RBFOX1: variants seen among roughly 807,000 people sequenced by gnomAD.
RBFOX1 encodes RNA binding protein fox-1 homolog 1.
RBFOX1 carries 8 observed loss-of-function variants against 57.7 expected under a neutral mutation model. That is an observed-to-expected ratio of 0.14 (90% CI 0.08 to 0.25). The LOEUF (loss-of-function observed/expected upper bound fraction) is 0.25, where lower values mean the gene tolerates loss of function less well. Ranked by LOEUF, RBFOX1 falls within the 10% of genes least tolerant of loss-of-function variation. The pLI, the probability that RBFOX1 is intolerant of heterozygous loss-of-function variation, is 1.00. For synonymous variants in RBFOX1, 326 were observed against 222.4 expected, an observed-to-expected ratio of 1.47 and a Z score of -4.15; for missense variants, 611 against 548.5, an observed-to-expected ratio of 1.11 and a Z score of -1.14.
At chr16:5,582,950 A>C (rs2046720874) in intron 2 of RBFOX1, among the ~76,000 whole-genome samples, 2 of 152,180 alleles carry the variant, frequency 1.3e-5, no homozygotes, top group Non-Finnish European at 2.9e-5. Flanking sequence ...AGCACTCGGG[A>C]GCCAGGCTCT....
At chr16:5,739,049 G>C (rs762698558) in intron 3 of RBFOX1, among the ~76,000 whole-genome samples, 8 of 152,140 alleles carry the variant, frequency 5.3e-5, no homozygotes, top group Non-Finnish European at 1.2e-4. Context: ...CTTTTTTGCT[G>C]TTGTCTTGAA....
At chr16:7,104,080 A>T (rs549983692) in intron 4 of RBFOX1, among the ~76,000 whole-genome samples, 1 of 152,194 alleles carries the variant, frequency 6.6e-6, no homozygotes, top group East Asian at 1.9e-4. Context: ...CAATCCTGCA[A>T]TCCCACAGAT....
intron 3 of RBFOX1, among the ~76,000 whole-genome samples, chr16:6,731,866 G>A (rs1287075892): frequency 6.6e-6 from 1 of 151,948 alleles, no homozygotes; most frequent in African/African-American, 2.4e-5. Context: ...TGCCTCTAGG[G>A]GAATCCAAAC....
chr16:6,576,389 G>C (rs956217607), intron 2 of RBFOX1, among the ~76,000 whole-genome samples: 8 of 152,160 alleles, frequency 5.3e-5, no homozygotes, highest in African/African-American at 1.9e-4. Context: ...GACATGGGGA[G>C]AAGATGCCAA....
At chr16:5,344,621 G>T (rs11076913) in intron 1 of RBFOX1, among the ~76,000 whole-genome samples, 2 of 152,164 alleles carry the variant, frequency 1.3e-5, no homozygotes, top group South Asian at 4.1e-4. Context: ...CCGGCTGTGA[G>T]GACATCCTGA....
chr16:5,428,105 G>GGTGTGTGTGTGTGTGTCTGT (rs754607195), intron 1 of RBFOX1, among the ~76,000 whole-genome samples: 1 of 137,972 alleles, frequency 7.2e-6, no homozygotes, highest in Non-Finnish European at 1.6e-5. Flanking sequence ...GCTCTGGAAG[G>GGTGTGTGTGTGTGTGTCTGT]GTGTGTGTGT....
intron 1 of RBFOX1, among the ~76,000 whole-genome samples, chr16:6,077,807 C>T (rs2095931308): frequency 6.6e-6 from 1 of 151,974 alleles, no homozygotes. Context: ...GCCTCGACCT[C>T]CTGGCCTCAA....
At chr16:6,048,559 C>A (rs1456195536) in intron 1 of RBFOX1, among the ~76,000 whole-genome samples, 1 of 152,142 alleles carries the variant, frequency 6.6e-6, no homozygotes, top group Admixed American at 6.6e-5. Context: ...AGCATTAAAA[C>A]ACCACAAATA....
intron 1 of RBFOX1, among the ~76,000 whole-genome samples, chr16:6,105,700 A>T (rs999672548): frequency 6.6e-6 from 1 of 151,594 alleles, no homozygotes; most frequent in Non-Finnish European, 1.5e-5. Context: ...ATATATATAT[A>T]TAAATTAATT....
intron 1 of RBFOX1, among the ~76,000 whole-genome samples, chr16:6,298,233 G>T (rs2078369035): frequency 6.6e-6 from 1 of 152,202 alleles, no homozygotes; most frequent in Non-Finnish European, 1.5e-5. Context: ...CTCATGTCCT[G>T]CGAGGGGGTC....
chr16:6,615,469 C>G (rs746963242), intron 2 of RBFOX1, among the ~76,000 whole-genome samples: 32 of 151,946 alleles, frequency 2.1e-4, no homozygotes, highest in Non-Finnish European at 3.1e-4. Flanking sequence ...ACTTGGGAGG[C>G]TGAGGCAGAA....
chr16:6,938,705 T>C (rs2077792131), intron 3 of RBFOX1, among the ~76,000 whole-genome samples: 1 of 152,170 alleles, frequency 6.6e-6, no homozygotes, highest in African/African-American at 2.4e-5. Context: ...CAGGCTGGTC[T>C]CGAATCACTT....
chr16:6,859,287 G>A (rs542077670), intron 3 of RBFOX1, among the ~76,000 whole-genome samples: 1 of 149,250 alleles, frequency 6.7e-6, no homozygotes, highest in East Asian at 2.0e-4. Context: ...AATATTATTT[G>A]TTCCCATCTC....
chr16:7,637,413 T>A (rs990555316), intron 11 of RBFOX1, among the ~76,000 whole-genome samples: 1 of 152,164 alleles, frequency 6.6e-6, no homozygotes, highest in Non-Finnish European at 1.5e-5. Flanking sequence ...TTTCAACTGA[T>A]ATATTGATTG....
chr16:5,704,717 G>A (rs1342004624), intron 3 of RBFOX1, among the ~76,000 whole-genome samples: 1 of 152,058 alleles, frequency 6.6e-6, no homozygotes, highest in African/African-American at 2.4e-5. Flanking sequence ...TATATTTTGG[G>A]GGGCTCTCCC....
At chr16:6,678,198 A>G (rs1260842209) in intron 3 of RBFOX1, among the ~76,000 whole-genome samples, 1 of 152,200 alleles carries the variant, frequency 6.6e-6, no homozygotes, top group Non-Finnish European at 1.5e-5. Flanking sequence ...ATCTCGGTTC[A>G]CTGCAGCCTC....
chr16:6,280,691 C>A (rs1337863820), intron 1 of RBFOX1, among the ~76,000 whole-genome samples: 1 of 151,964 alleles, frequency 6.6e-6, no homozygotes, highest in African/African-American at 2.4e-5. Flanking sequence ...AACCAAAATT[C>A]ATTGCGGGAG....
At chr16:7,425,269 T>G (rs1169054846) in intron 4 of RBFOX1, among the ~76,000 whole-genome samples, 2 of 152,116 alleles carry the variant, frequency 1.3e-5, no homozygotes, top group Non-Finnish European at 2.9e-5. Context: ...ATGAGAGAAG[T>G]GGGGTTTAAT....
intron 1 of RBFOX1, among the ~76,000 whole-genome samples, chr16:5,245,855 G>A (rs1199269605): frequency 1.3e-5 from 2 of 152,198 alleles, no homozygotes; most frequent in Admixed American, 1.3e-4. Flanking sequence ...TTTAATCGTG[G>A]ATGGGTAAGG....
Sources: allele counts gnomAD v4.1 joint callset (sites outside exome capture counted in the v4.1 genomes callset), GRCh38; gene constraint gnomAD v4.1.1; transcripts MANE v1.5; gene names NCBI Gene and HGNC (gene_info 2026-07-23, HGNC 2026-07-21).